NBPF10: variants seen among roughly 807,000 people sequenced by gnomAD.
NBPF10 encodes NBPF family member NBPF10.
In NBPF10, 63 loss-of-function variants were observed where a neutral mutation model predicts 77.9. The observed-to-expected ratio is 0.81, with a 90% confidence interval of 0.66 to 1.00. The LOEUF is 1.00. Among genes scored for constraint, NBPF10 ranks in the 50% least tolerant of loss-of-function variants. NBPF10 has a pLI of 0.00. For synonymous variants in NBPF10, 146 were observed against 264.5 expected, an observed-to-expected ratio of 0.55 and a Z score of 4.35; for missense variants, 522 against 679.8, an observed-to-expected ratio of 0.77 and a Z score of 2.58.
Position 146,067,550 on chromosome 1 carries a change from G to A in NBPF10, c.11036-262C>T, listed in dbSNP as rs1391202547. Among the ~76,000 whole-genome samples the A allele has an allele frequency of 7.3e-5, 11 of 149,776 alleles. 1 individual carries two copies. Among genetic ancestry groups the A allele is most frequent in the East Asian group, 2.0e-4 (1 of 5,042 alleles). Reference sequence around the variant, plus strand: ...GTCCCAAGTTTGTGCAAACAGTTACGCCATATTTTTCCAATCAACGTAAAG... The same window carrying A: ...GTCCCAAGTTTGTGCAAACAGTTACACCATATTTTTCCAATCAACGTAAAG... On this transcript the variant is annotated intron_variant, in intron 88 of 89. Transcript: ENST00000583866.
At chr1:146,133,102 A>G (rs1259798099) in intron 10 of NBPF10, among the ~76,000 whole-genome samples, 9 of 42,812 alleles carry the variant, frequency 2.1e-4, no homozygotes, top group African/African-American at 5.8e-4. Context: ...GGAGATCCAG[A>G]TGAAAGCTGA....
Position 146,126,384 on chromosome 1 carries a change from C to G in NBPF10, c.1878G>C (p.Glu626Asp), listed in dbSNP as rs1243779253. Residue 626 changes from glutamate to aspartate, a missense_variant, in exon 14 of 90, where the codon GAG (glutamate) becomes GAC (aspartate). Glu to Asp is a conservative substitution (Grantham distance 45). Around this residue, in one of 9 missense-constraint regions of NBPF10, gnomAD observed 178 missense variants for 77.7 expected, o/e 2.29. Coordinates refer to ENST00000583866, the Ensembl canonical transcript of NBPF10. ...AGTCCTGCAAGACTTCAGGCCCTTT[C>G]TCATCCAGCAGCTCCCTGCTGAGCG... 5.2e-6 allele frequency: 7 copies of G among 1,344,114 alleles called. 1 individual carries two copies. Among genetic ancestry groups the G allele is most frequent in the South Asian group, 2.3e-5 (2 of 85,540 alleles). 83.3% of individuals were successfully genotyped at this position (1,344,114 alleles called of 1,614,324 possible). A position where few individuals can be genotyped will look rare whatever the true frequency, so the allele number is the denominator to read the frequency against.
rs1233244820 is a variant in NBPF10 at position 146,125,617 on chromosome 1, C to A, written c.2027-101G>T. The A allele has an allele frequency of 1.7e-5, 9 of 526,302 alleles. 1 individual carries two copies. The highest frequency in any genetic ancestry group is 2.9e-5 in the East Asian group (1 of 34,054). 32.6% of individuals were successfully genotyped at this position (526,302 alleles called of 1,614,324 possible). On this transcript the variant is annotated intron_variant, in intron 14 of 89. Transcript: ENST00000583866. ...CACACAGGGACTTCAGGCTCCTCAG[C>A]ATGAGAATAGGACACTGTGAGAGAT...
Position 146,141,756 on chromosome 1 carries a change from C to G in NBPF10, c.341G>C (p.Arg114Pro). ...TGAGCGGGAGGCATCTCTCCCTTCC[C>G]GTAACTTCTCCCTTAGCTGGGTCAG... The change falls in exon 3 of 90, where the codon CGG becomes CCG. Residue 114 changes from arginine to proline, a missense_variant. By Grantham distance (103) the Arg-to-Pro change is moderately radical. Transcript: ENST00000583866. The G allele has an allele frequency of 8.2e-6, 11 of 1,339,262 alleles. 3 individuals are homozygous for G. The highest frequency in any genetic ancestry group is 1.1e-5 in the Non-Finnish European group (11 of 970,370). The allele number at this position is 1,339,262 out of a possible 1,614,324, so 83.0% of individuals were successfully genotyped here. A position where few individuals can be genotyped will look rare whatever the true frequency, so the allele number is the denominator to read the frequency against.
intron 5 of NBPF10, among the ~76,000 whole-genome samples, chr1:146,139,227 G>A (rs1207695489): frequency 1.3e-5 from 2 of 148,228 alleles, no homozygotes; most frequent in Non-Finnish European, 3.0e-5. Flanking sequence ...AGCCTCCTGA[G>A]TAGCTGGGAC....
At chr1:146,135,889 G>A (rs1221471203) in intron 7 of NBPF10, among the ~76,000 whole-genome samples, 1 of 145,080 alleles carries the variant, frequency 6.9e-6, no homozygotes, top group East Asian at 2.0e-4. Context: ...ACAAAGCCAT[G>A]TACAGAAATG....
At chr1:146,126,267 T>G in exon 14 of NBPF10, 2 of 1,608,506 alleles carry the variant, frequency 1.2e-6, no homozygotes, top group Non-Finnish European at 1.7e-6. Flanking sequence ...CAACACGCTG[T>G]TGCTCCAATA....
intron 13 of NBPF10, among the ~76,000 whole-genome samples, chr1:146,126,716 C>T (rs1310213782): frequency 2.1e-5 from 3 of 146,328 alleles, no homozygotes; most frequent in African/African-American, 7.5e-5. Context: ...TCAGGACACA[C>T]AGTGAACAGT....
exon 82 of NBPF10, chr1:146,072,735 C>G: frequency 1.3e-5 from 1 of 79,266 alleles, no homozygotes. Context: ...TCACTGTCCA[C>G]GTCAAGAGCC....
At position 146,141,813 on chromosome 1, in the gene NBPF10, T is replaced by C. The variant is rs1553797456; in HGVS notation, c.284A>G (p.Tyr95Cys). ...TTCCTGAGAGTGAACTAGGACTTTATATTGCCTAAGGTGAGACGGTAGAGA... is the reference window on the plus strand; with the variant it reads ...TTCCTGAGAGTGAACTAGGACTTTACATTGCCTAAGGTGAGACGGTAGAGA... Residue 95 changes from tyrosine (Y) to cysteine (C), a missense_variant, in exon 3 of 90, where the codon TAT becomes TGT. Physicochemically the swap from Tyr to Cys is radical, Grantham distance 194. This residue lies in a region of NBPF10 where 71 missense variants were observed against 114.9 expected (regional missense o/e 0.62). Coordinates refer to ENST00000583866, the Ensembl canonical transcript of NBPF10. 9.7e-6 allele frequency: 13 copies of C among 1,342,966 alleles called. 6 individuals carry two copies. Among genetic ancestry groups the C allele is most frequent in the Admixed American group, 3.8e-5 (2 of 52,898 alleles). 83.2% of individuals were successfully genotyped at this position (1,342,966 alleles called of 1,614,324 possible).
At chr1:146,121,858 G>C (rs1658210956) in intron 19 of NBPF10, among the ~76,000 whole-genome samples, 188 bp from the exon 20 acceptor site, 1 of 148,000 alleles carries the variant, frequency 6.8e-6, no homozygotes, top group Non-Finnish European at 1.5e-5. Context: ...GAAAGAGAAA[G>C]ACAGAGAGAG....
At chr1:146,125,434 G>T (rs1658484025) in intron 15 of NBPF10, 31 bp downstream of exon 15, 1 of 357,524 alleles carries the variant, frequency 2.8e-6, no homozygotes, top group South Asian at 2.2e-5. Flanking sequence ...TGTCAACACA[G>T]AATTAAGCAT....
chr1:146,109,326 A>G lies in NBPF10; in HGVS notation c.4500-212T>C, dbSNP rs797026300. On this transcript the variant is annotated intron_variant, in intron 35 of 89. Transcript: ENST00000583866. ...AAGACAGATAGACACACACACACACACACACACACACACACACACAGAGAG... is the reference window on the plus strand; with the variant it reads ...AAGACAGATAGACACACACACACACGCACACACACACACACACACAGAGAG... Among the ~76,000 whole-genome samples the G allele has an allele frequency of 1.9e-4, 20 of 104,020 alleles. No individual in the cohort carries two copies. The Admixed American group carries it at 2.0e-3, about 10-fold the overall frequency. The allele number at this position is 104,020 out of a possible 152,430, so 68.2% of individuals were successfully genotyped here. A position where few individuals can be genotyped will look rare whatever the true frequency, so the allele number is the denominator to read the frequency against.
At chr1:146,129,903 A>G (rs2102187070) in intron 11 of NBPF10, among the ~76,000 whole-genome samples, 1 of 101,614 alleles carries the variant, frequency 9.8e-6, no homozygotes, top group African/African-American at 4.5e-5. Context: ...ATGTATATAT[A>G]TATATATATT....
rs1224045303 is a variant in NBPF10 at position 146,127,259 on chromosome 1, A to T, written c.1802-180T>A. Among the ~76,000 whole-genome samples, 2 of 98,700 alleles carry T rather than the reference A, an allele frequency of 2.0e-5. 1 individual carries two copies. Among genetic ancestry groups the T allele is most frequent in the Non-Finnish European group, 4.0e-5 (2 of 50,506 alleles). The allele number at this position is 98,700 out of a possible 152,430, so 64.8% of individuals were successfully genotyped here. A position where few individuals can be genotyped will look rare whatever the true frequency, so the allele number is the denominator to read the frequency against. ...TGAGAAAACTGGCTTGGGTTCTTTC[A>T]TGAGCCTTGGGCAAAATTCCCCTGT... On this transcript the variant is annotated intron_variant, in intron 12 of 89. Coordinates refer to ENST00000583866, the Ensembl canonical transcript of NBPF10.
At chr1:146,126,139 G>T (rs868969401) in intron 14 of NBPF10, 97 bp downstream of exon 14, 10 of 809,116 alleles carry the variant, frequency 1.2e-5, no homozygotes, top group South Asian at 1.4e-5. Flanking sequence ...CTGTGGCAAT[G>T]ACATCTCTCA....
intron 6 of NBPF10, among the ~76,000 whole-genome samples, 174 bp from the exon 7 acceptor site, chr1:146,136,629 T>C (rs1283657329): frequency 4.2e-5 from 6 of 142,720 alleles, no homozygotes; most frequent in African/African-American, 1.8e-4. Context: ...TGGCATCTGA[T>C]CCTCCAAAAT....
intron 71 of NBPF10, among the ~76,000 whole-genome samples, 197 bp from the exon 72 acceptor site, chr1:146,080,974 G>GAC (rs369325772): frequency 0.063 from 2,862 of 45,604 alleles, 22 homozygotes; most frequent in Admixed American, 0.08. Flanking sequence ...AAGACAGATA[G>GAC]ACACACACAC....
rs1398441754 is a variant in NBPF10 at position 146,071,632 on chromosome 1, C to T, written c.10356-313G>A. Among the ~76,000 whole-genome samples, 7 of 6,738 alleles carry T rather than the reference C, an allele frequency of 1.0e-3. 1 individual carries two copies. The highest frequency in any genetic ancestry group is 1.5e-3 in the Non-Finnish European group (6 of 4,066). 4.4% of individuals were successfully genotyped at this position (6,738 alleles called of 152,430 possible). ...ACACTGATGAGGGAGTAACAGGACA[C>T]TCTGAGTTAGTGCCCTCAGGACACA... On this transcript the variant is annotated intron_variant, in intron 83 of 89. Transcript: ENST00000583866.
Sources: allele counts gnomAD v4.1 joint callset (sites outside exome capture counted in the v4.1 genomes callset), GRCh38; gene constraint gnomAD v4.1.1; regional missense constraint gnomAD v4.1.1; transcripts MANE v1.5; gene names NCBI Gene and HGNC (gene_info 2026-07-23, HGNC 2026-07-21).